Variants in SRGAP3 observed in about 807,000 individuals in gnomAD.
SRGAP3 encodes SLIT-ROBO Rho GTPase activating protein 3, also known as SLIT-ROBO Rho GTPase-activating protein 3.
A neutral mutation model predicts 121.1 loss-of-function variants in SRGAP3; 39 were observed. The ratio of observed to expected loss-of-function variants is 0.32; its 90% CI spans 0.25 to 0.42. SRGAP3 has a LOEUF of 0.42. Among genes scored for constraint, SRGAP3 ranks in the 10% least tolerant of loss-of-function variants. The probability of loss-of-function intolerance (pLI) is 1.00; values close to 1 mark genes in which losing one functional copy is unlikely to be tolerated. For synonymous variants in SRGAP3, 601 were observed against 570.0 expected (o/e 1.05, Z -0.77); for missense variants, 1,213 against 1,470.6 (o/e 0.82, Z 2.86).
At chr3:9,334,399 T>C (rs1369282272) in intron 1 of SRGAP3, among the ~76,000 whole-genome samples, 2 of 151,972 alleles carry the variant, frequency 1.3e-5, no homozygotes, top group Non-Finnish European at 2.9e-5. Flanking sequence ...AAAAATATAA[T>C]ACAATGTGAT....
intron 1 of SRGAP3, among the ~76,000 whole-genome samples, chr3:9,205,482 T>C (rs2125166803): frequency 6.6e-6 from 1 of 152,316 alleles, no homozygotes; most frequent in East Asian, 1.9e-4. Context: ...ATATATCTAA[T>C]TGGTCTTTAA....
intron 1 of SRGAP3, among the ~76,000 whole-genome samples, chr3:9,236,526 A>G (rs994054321): frequency 2.0e-4 from 30 of 152,188 alleles, no homozygotes; most frequent in South Asian, 1.7e-3. Context: ...TGCTGTTCTC[A>G]TGATGGTGAG....
At chr3:9,323,270 T>C (rs926759368) in intron 3 of SRGAP3, among the ~76,000 whole-genome samples, 2 of 151,872 alleles carry the variant, frequency 1.3e-5, no homozygotes, top group African/African-American at 4.8e-5. Flanking sequence ...CATGAATCTG[T>C]GTATGTGTGC....
rs141662184 is a variant in SRGAP3 at position 9,036,674 on chromosome 3, C to T, written c.1436+1389G>A. ...GATTACAGATCTCCTCTCCCACACT[C>T]TGCTGGAACAAACTTCTCTGCGTGA... On this transcript the variant is annotated intron_variant, in intron 11 of 21. Transcript: ENST00000383836. 10 of 152,348 alleles carry T rather than the reference C, an allele frequency of 6.6e-5. No homozygotes were observed. The East Asian group carries it at 1.9e-3, about 29-fold the overall frequency. The allele number at this position is 152,348 out of a possible 1,614,324, so 9.4% of individuals were successfully genotyped here.
chr3:9,267,278 G>T (rs183895276), intron 3 of SRGAP3, among the ~76,000 whole-genome samples: 261 of 152,244 alleles, frequency 1.7e-3, no homozygotes, highest in Admixed American at 3.6e-3. Flanking sequence ...TGTTAATTGT[G>T]CCCAGGATTG....
chr3:9,345,796 A>AG (rs1184525450), intron 1 of SRGAP3, among the ~76,000 whole-genome samples: 1 of 151,530 alleles, frequency 6.6e-6, no homozygotes, highest in African/African-American at 2.4e-5. Flanking sequence ...AAAAAAAAAA[A>AG]AAAAAAAAGA....
chr3:9,182,942 G>C (rs983039072), intron 1 of SRGAP3, among the ~76,000 whole-genome samples: 2 of 152,124 alleles, frequency 1.3e-5, no homozygotes, highest in Non-Finnish European at 2.9e-5. Flanking sequence ...ACAGGCGAGA[G>C]CCACCGTGAC....
intron 4 of SRGAP3, among the ~76,000 whole-genome samples, chr3:9,078,950 CT>C (rs1947111296): frequency 2.6e-5 from 4 of 152,208 alleles, no homozygotes; most frequent in Non-Finnish European, 5.9e-5. Flanking sequence ...AGTTCCGTAG[CT>C]TGTTGGGATC....
intron 4 of SRGAP3, among the ~76,000 whole-genome samples, chr3:9,076,225 T>C (rs1379501583): frequency 6.6e-6 from 1 of 152,150 alleles, no homozygotes; most frequent in African/African-American, 2.4e-5. Flanking sequence ...CAGAAAATTG[T>C]GGTTGTTCTA....
In SRGAP3 at chr3:8,985,552, G is replaced by A. The variant is rs1486291668; in HGVS notation, c.3267C>T (p.Pro1089=). The A allele has an allele frequency of 1.3e-6, 2 of 1,598,890 alleles. No individual in the cohort carries two copies. The highest frequency in any genetic ancestry group is 2.7e-5 in the African/African-American group (2 of 74,876). The stretch of plus-strand genomic sequence containing the variant: ...TGCCCGACTTGTCCGCTGAGCTGTT[G>A]GGGAACATCTTCTCGGTGGGCGTCA... ...PAVTPTEKMF[P]NSSADKSGTM The change falls in exon 22 of 22, where the codon CCC becomes CCT. Residue 1089 remains proline, a synonymous_variant. Transcript: ENST00000383836. The surrounding 1 kb of genome is among the most constrained non-coding windows in gnomAD (Gnocchi z 5.1).
At chr3:9,253,711 T>G (rs1954065696), upstream of SRGAP3, among the ~76,000 whole-genome samples, 4 of 152,196 alleles carry the variant, frequency 2.6e-5, no homozygotes, top group South Asian at 8.3e-4. Flanking sequence ...ACTCAGCTAG[T>G]TGATGGCAGA....
At chr3:9,088,728 C>G (rs1037968289) in intron 3 of SRGAP3, among the ~76,000 whole-genome samples, 1 of 152,312 alleles carries the variant, frequency 6.6e-6, no homozygotes, top group Middle Eastern at 3.4e-3. Flanking sequence ...CCATTCAGTG[C>G]TTTCAGAGCA....
At chr3:9,134,091 A>G (rs1202612885) in intron 1 of SRGAP3, among the ~76,000 whole-genome samples, 2 of 152,250 alleles carry the variant, frequency 1.3e-5, no homozygotes, top group African/African-American at 4.8e-5. Context: ...AACGCCAGCA[A>G]CTTGCCCTTG....
At chr3:9,060,869 A>G (rs1411134163) in intron 5 of SRGAP3, among the ~76,000 whole-genome samples, 1 of 151,980 alleles carries the variant, frequency 6.6e-6, no homozygotes, top group Non-Finnish European at 1.5e-5. Context: ...TTACACCTGC[A>G]CCTTGCACCT....
intron 1 of SRGAP3, among the ~76,000 whole-genome samples, chr3:9,243,648 A>AAAGAG (rs1373213960): frequency 6.7e-6 from 1 of 149,238 alleles, no homozygotes; most frequent in Non-Finnish European, 1.5e-5. Context: ...AAAAAAAAAA[A>AAAGAG]AGAGAGAGAG....
At chr3:9,202,550 T>C (rs2125160113) in intron 1 of SRGAP3, among the ~76,000 whole-genome samples, 1 of 152,338 alleles carries the variant, frequency 6.6e-6, no homozygotes. Context: ...TGAACTCTTG[T>C]CTGGAGCAGA....
At chr3:8,994,158 G>C (rs1045358684) in intron 19 of SRGAP3, 185 bp downstream of exon 19, 12 of 786,968 alleles carry the variant, frequency 1.5e-5, no homozygotes, top group Non-Finnish European at 2.5e-5. Context: ...GAGGAATTTG[G>C]ATATCCGTTA....
chr3:9,103,440 C>G (rs768595924), intron 3 of SRGAP3, among the ~76,000 whole-genome samples: 15 of 152,222 alleles, frequency 9.9e-5, no homozygotes, highest in Non-Finnish European at 2.1e-4. Context: ...ATCCTTCCAT[C>G]TGCCCATGGG....
intron 3 of SRGAP3, among the ~76,000 whole-genome samples, chr3:9,303,194 G>T (rs1955097935): frequency 1.3e-5 from 2 of 152,102 alleles, no homozygotes; most frequent in African/African-American, 4.8e-5. Context: ...GGAGGCCTAG[G>T]CGGGCAGATT....
Sources: allele counts gnomAD v4.1 joint callset (sites outside exome capture counted in the v4.1 genomes callset), GRCh38; gene constraint gnomAD v4.1.1; non-coding constraint Gnocchi (gnomAD v3.1); transcripts MANE v1.5; gene names NCBI Gene and HGNC (gene_info 2026-07-23, HGNC 2026-07-21).